TMEM74: variants seen among roughly 807,000 people sequenced by gnomAD.
TMEM74 encodes the protein transmembrane protein 74.
A neutral mutation model predicts 18.1 loss-of-function variants in TMEM74; 13 were observed. The ratio of observed to expected loss-of-function variants is 0.72; its 90% CI spans 0.47 to 1.14. The LOEUF is 1.14. Ranked by LOEUF, TMEM74 falls within the 50% of genes most tolerant of loss-of-function variation. The pLI, the probability that TMEM74 is intolerant of heterozygous loss-of-function variation, is 0.00. For synonymous variants in TMEM74, 159 were observed against 146.6 expected, an observed-to-expected ratio of 1.08 and a Z score of -0.61; for missense variants, 372 against 375.9, an observed-to-expected ratio of 0.99 and a Z score of 0.09.
chr8:108,662,001 G>A (rs1362405650), intron 1 of TMEM74, among the ~76,000 whole-genome samples: 1 of 152,130 alleles, frequency 6.6e-6, no homozygotes, highest in East Asian at 1.9e-4. Context: ...TCTACGAAAT[G>A]TGGATTTCAG....
At chr8:108,731,232 T>TC (rs1813692256) in intron 1 of TMEM74, among the ~76,000 whole-genome samples, 2 of 146,582 alleles carry the variant, frequency 1.4e-5, no homozygotes, top group Non-Finnish European at 3.0e-5. Flanking sequence ...CCGCCCCCCA[T>TC]CCCCCCCAAA....
At chr8:108,786,138 G>T (rs1263100791) in intron 1 of TMEM74, among the ~76,000 whole-genome samples, 3 of 152,174 alleles carry the variant, frequency 2.0e-5, no homozygotes, top group Non-Finnish European at 2.9e-5. Context: ...AACCCACAGA[G>T]TAAGAGTTCT....
At chr8:108,755,866 G>A (rs1813954452) in intron 1 of TMEM74, among the ~76,000 whole-genome samples, 1 of 151,900 alleles carries the variant, frequency 6.6e-6, no homozygotes, top group South Asian at 2.1e-4. Flanking sequence ...GTTTAAATGA[G>A]ACAGTATAGG....
intron 1 of TMEM74, among the ~76,000 whole-genome samples, 181 bp from the exon 2 acceptor site, chr8:108,785,318 G>C (rs1814371320): frequency 6.6e-6 from 1 of 152,164 alleles, no homozygotes; most frequent in Admixed American, 6.5e-5. Context: ...AGGGACAAAT[G>C]CTCTCACTTG....
At chr8:108,645,370 G>A (rs1309132929) in intron 2 of TMEM74, among the ~76,000 whole-genome samples, 1 of 151,906 alleles carries the variant, frequency 6.6e-6, no homozygotes, top group Non-Finnish European at 1.5e-5. Flanking sequence ...AGGAAGGAGT[G>A]GGGCAAGTGC....
At chr8:108,657,855 AAAAAATATATATATATATAT>A (rs1476067572) in intron 1 of TMEM74, among the ~76,000 whole-genome samples, 2 of 60,136 alleles carry the variant, frequency 3.3e-5, no homozygotes, top group Non-Finnish European at 5.8e-5. Context: ...AAAAAAAAAA[AAAAAATATATATATATATAT>A]ATATATATAT....
intron 2 of TMEM74, among the ~76,000 whole-genome samples, chr8:108,631,655 C>T (rs758622907): frequency 4.6e-5 from 7 of 152,080 alleles, no homozygotes; most frequent in East Asian, 1.9e-4. Context: ...CACTTCTGCC[C>T]GTTCTGTAGG....
At chr8:108,681,777 G>A (rs1477424231) in intron 1 of TMEM74, among the ~76,000 whole-genome samples, 3 of 151,922 alleles carry the variant, frequency 2.0e-5, no homozygotes, top group African/African-American at 7.3e-5. Flanking sequence ...CATGCCAAAT[G>A]CCACTTAGTT....
chr8:108,736,122 T>A (rs1042408659), intron 1 of TMEM74, among the ~76,000 whole-genome samples: 3 of 152,096 alleles, frequency 2.0e-5, no homozygotes, highest in South Asian at 2.1e-4. Flanking sequence ...CTTTTGGCAC[T>A]GTTTGTCTCT....
intron 1 of TMEM74, among the ~76,000 whole-genome samples, chr8:108,670,468 A>G (rs764715292): frequency 5.9e-5 from 9 of 152,194 alleles, no homozygotes; most frequent in Non-Finnish European, 1.3e-4. Context: ...TGAGTCTCCC[A>G]TATACTGCAG....
At chr8:108,786,067 C>A (rs1814381066) in intron 1 of TMEM74, among the ~76,000 whole-genome samples, 1 of 152,158 alleles carries the variant, frequency 6.6e-6, no homozygotes, top group Non-Finnish European at 1.5e-5. Context: ...AAGAAATTGA[C>A]CATCTGGATA....
At chr8:108,609,430 T>C (rs1330645203) in intron 2 of TMEM74, among the ~76,000 whole-genome samples, 1 of 152,136 alleles carries the variant, frequency 6.6e-6, no homozygotes, top group South Asian at 2.1e-4. Flanking sequence ...GGTGGATCAC[T>C]TGAGGTCAGG....
chr8:108,628,894 A>T (rs35128277), intron 2 of TMEM74, among the ~76,000 whole-genome samples: 1 of 151,124 alleles, frequency 6.6e-6, no homozygotes, highest in East Asian at 1.9e-4. Flanking sequence ...TGATGGTGAG[A>T]TTTTTTTTTC....
At chr8:108,683,994 C>T (rs1813143192) in intron 1 of TMEM74, among the ~76,000 whole-genome samples, 1 of 152,008 alleles carries the variant, frequency 6.6e-6, no homozygotes, top group Non-Finnish European at 1.5e-5. Flanking sequence ...TTTATTTATC[C>T]ATTCACCTGT....
At chr8:108,627,563 A>G in intron 2 of TMEM74, among the ~76,000 whole-genome samples, 1 of 152,038 alleles carries the variant, frequency 6.6e-6, no homozygotes, top group Non-Finnish European at 1.5e-5. Flanking sequence ...GAGTTTAACC[A>G]TTACTCTTAT....
At chr8:108,774,920 A>G (rs926263287), downstream of TMEM74, among the ~76,000 whole-genome samples, 4 of 151,912 alleles carry the variant, frequency 2.6e-5, no homozygotes, top group Admixed American at 6.6e-5. Context: ...TCTTACACAC[A>G]AAGACTCAAC....
At chr8:108,706,118 C>T (rs1813394037) in intron 1 of TMEM74, among the ~76,000 whole-genome samples, 1 of 152,216 alleles carries the variant, frequency 6.6e-6, no homozygotes, top group Admixed American at 6.5e-5. Flanking sequence ...ACCAGAGGCA[C>T]AGCTAAGCAC....
intron 1 of TMEM74, among the ~76,000 whole-genome samples, chr8:108,734,082 G>A (rs1448348126): frequency 2.0e-5 from 3 of 152,186 alleles, no homozygotes; most frequent in Non-Finnish European, 4.4e-5. Flanking sequence ...ATTGGCATGT[G>A]AGTCAGAAGC....
chr8:108,775,511 C>T (rs775027226), downstream of TMEM74, among the ~76,000 whole-genome samples: 9 of 152,146 alleles, frequency 5.9e-5, no homozygotes, highest in Admixed American at 1.3e-4. Flanking sequence ...CCATCAGTTC[C>T]GTGTGCCAAT....
Sources: gnomAD v4.1 joint callset for allele counts (sites outside exome capture counted in the v4.1 genomes callset) on GRCh38, gnomAD v4.1.1 for gene constraint, MANE v1.5 for transcripts, NCBI Gene and HGNC (gene_info 2026-07-23, HGNC 2026-07-21) for gene names.